TYRP1: variants seen among roughly 807,000 people sequenced by gnomAD.
TYRP1 encodes 5,6-dihydroxyindole-2-carboxylic acid oxidase.
A neutral mutation model predicts 42.8 loss-of-function variants in TYRP1; 49 were observed. That is an observed-to-expected ratio of 1.14 (90% CI 0.91 to 1.45). The LOEUF (loss-of-function observed/expected upper bound fraction) is 1.45. Among genes scored for constraint, TYRP1 ranks in the 40% most tolerant of loss-of-function variants. TYRP1 has a pLI of 0.00. For missense variants in TYRP1, 848 were observed against 662.0 expected, an observed-to-expected ratio of 1.28 and a Z score of -3.08; for synonymous variants, 279 against 235.4, an observed-to-expected ratio of 1.19 and a Z score of -1.69.
At chr9:12,702,559 T>C in intron 5 of TYRP1, 121 bp downstream of exon 5, 1 of 1,036,162 alleles carries the variant, frequency 9.7e-7, no homozygotes. Context: ...TTTATGTGAA[T>C]GAGATTTTCT....
intron 3 of TYRP1, among the ~76,000 whole-genome samples, chr9:12,696,614 C>G (rs574768884): frequency 6.6e-6 from 1 of 152,166 alleles, no homozygotes; most frequent in Admixed American, 6.5e-5. Context: ...ACAAAGTGAA[C>G]CTCAACTCAA....
intron 4 of TYRP1, among the ~76,000 whole-genome samples, chr9:12,701,220 T>G (rs1818162330): frequency 6.6e-6 from 1 of 152,010 alleles, no homozygotes; most frequent in African/African-American, 2.4e-5. Flanking sequence ...TACTTGATTT[T>G]TTTTTCACAA....
chr9:12,708,381 G>T (rs1818296032), intron 7 of TYRP1, among the ~76,000 whole-genome samples: 1 of 151,758 alleles, frequency 6.6e-6, no homozygotes, highest in Admixed American at 6.6e-5. Context: ...AATGCTTTGG[G>T]GTGAGTATGA....
chr9:12,705,169 A>C (rs1450324936), intron 6 of TYRP1, among the ~76,000 whole-genome samples: 25 of 152,200 alleles, frequency 1.6e-4, no homozygotes, highest in African/African-American at 5.5e-4. Flanking sequence ...TTCCACTTGA[A>C]AAGTTAATGT....
At position 12,698,652 on chromosome 9, in the gene TYRP1, A is replaced by G; in HGVS notation, c.910A>G (p.Asn304Asp). 6.2e-7 allele frequency: 1 copy of G among 1,613,340 alleles called. No homozygotes were observed. The highest frequency in any genetic ancestry group is 8.5e-7 in the Non-Finnish European group (1 of 1,179,444). Reference sequence around the variant, plus strand: ...TTATGATACCCTGGGAACACTTTGTAACAGTAAGTTCCAAATGATAGCTTG... The same window carrying G: ...TTATGATACCCTGGGAACACTTTGTGACAGTAAGTTCCAAATGATAGCTTG... ...EDYDTLGTLC[N>D]STEDGPIRRN... is the part of the protein sequence containing the mutation. Residue 304 changes from asparagine (N) to aspartate (D), a missense_variant, in exon 4 of 8, where the codon AAC becomes GAC. Physicochemically the swap from Asn to Asp is conservative, Grantham distance 23. Coordinates refer to ENST00000388918, the MANE Select transcript of TYRP1 (RefSeq NM_000550.3).
chr9:12,697,584 T>G (rs1818097750), intron 3 of TYRP1, among the ~76,000 whole-genome samples: 2 of 152,090 alleles, frequency 1.3e-5, no homozygotes, highest in African/African-American at 4.8e-5. Context: ...GCTTGAGAGA[T>G]AAGATAAAAC....
At chr9:12,704,029 G>A (rs771812794) in intron 5 of TYRP1, among the ~76,000 whole-genome samples, 7 of 151,844 alleles carry the variant, frequency 4.6e-5, no homozygotes, top group Non-Finnish European at 4.4e-5. Context: ...AGAAAGCCCT[G>A]AGGAATTGTA....
intron 1 of TYRP1, 62 bp downstream of exon 1, chr9:12,693,540 G>A (rs1353820446): frequency 5.4e-6 from 1 of 184,928 alleles, no homozygotes; most frequent in African/African-American, 2.4e-5. Flanking sequence ...TTAGTGTAAG[G>A]GACTTTAAAT....
chr9:12,698,878 T>A (rs1375547601), intron 4 of TYRP1, among the ~76,000 whole-genome samples: 2 of 152,118 alleles, frequency 1.3e-5, no homozygotes, highest in East Asian at 3.9e-4. Flanking sequence ...TTACACTGCC[T>A]TTCTTGAGTA....
At chr9:12,695,928 A>G (rs560620695) in intron 3 of TYRP1, 91 bp downstream of exon 3, 21 of 1,429,358 alleles carry the variant, frequency 1.5e-5, no homozygotes, top group African/African-American at 2.8e-5. Context: ...CAGAATCATC[A>G]GAACATTTGA....
chr9:12,700,395 A>G (rs1818147169), intron 4 of TYRP1: 1 of 152,108 alleles, frequency 6.6e-6, no homozygotes, highest in African/African-American at 2.4e-5. Context: ...GGTGGATTGA[A>G]AATAGTTAAT....
chr9:12,700,179 T>C (rs891435174), intron 4 of TYRP1: 10 of 152,098 alleles, frequency 6.6e-5, no homozygotes, highest in African/African-American at 2.4e-4. Flanking sequence ...GTATCCTATT[T>C]AGTCTTCATA....
intron 4 of TYRP1, among the ~76,000 whole-genome samples, chr9:12,699,921 GAAGAGA>G (rs149076115): frequency 0.046 from 6,970 of 152,076 alleles, 188 homozygotes; most frequent in Non-Finnish European, 0.062. Flanking sequence ...GAAGAAAGAG[GAAGAGA>G]TTTTCTTTTC....
rs1237317163 is a variant in TYRP1, at chr9:12,702,403, C to A, written c.1046C>A (p.Ser349Tyr). The A allele has an allele frequency of 1.2e-6, 2 of 1,612,848 alleles. No homozygotes were observed. The highest frequency in any genetic ancestry group is 1.7e-6 in the Non-Finnish European group (2 of 1,179,296). Residue 349 changes from serine (S) to tyrosine (Y), a missense_variant, in exon 5 of 8, where the codon TCC becomes TAC. By Grantham distance (144) the Ser-to-Tyr change is moderately radical. Transcript: ENST00000388918. ...VGLFDTPPFYSNSTNSFRNTV... is the reference protein window; with the variant it reads ...VGLFDTPPFYYNSTNSFRNTV... ...TTATTTGACACGCCTCCTTTTTATT[C>A]CAACTCTACAAACAGTTTCCGAAAC... is the stretch of plus-strand genomic sequence containing the variant.
At chr9:12,706,476 AT>A (rs927568675) in intron 6 of TYRP1, among the ~76,000 whole-genome samples, 5 of 151,952 alleles carry the variant, frequency 3.3e-5, no homozygotes, top group African/African-American at 1.2e-4. Context: ...CCTTTTGAAC[AT>A]TTTTTTCTGA....
At chr9:12,696,886 G>A (rs1254950947) in intron 3 of TYRP1, among the ~76,000 whole-genome samples, 2 of 152,154 alleles carry the variant, frequency 1.3e-5, no homozygotes, top group African/African-American at 4.8e-5. Context: ...ATCTGAAGAA[G>A]GGAAAGGCGT....
intron 6 of TYRP1, among the ~76,000 whole-genome samples, chr9:12,705,613 G>A (rs1014283449): frequency 2.0e-5 from 3 of 152,140 alleles, no homozygotes; most frequent in Middle Eastern, 3.4e-3. Context: ...TTGGGAAGCC[G>A]AGATGTGGGG....
chr9:12,698,513 C>G lies in TYRP1; in HGVS notation c.771C>G (p.Val257=), dbSNP rs900003133. The G allele has an allele frequency of 3.7e-6, 6 of 1,613,694 alleles. No individual in the cohort carries two copies. The highest frequency in any genetic ancestry group is 1.1e-5 in the South Asian group (1 of 91,078). Residue 257 remains valine (V), a synonymous_variant, in exon 4 of 8, where the codon GTC becomes GTG. Transcript: ENST00000388918. ...GGAATTTTGCAACGGGGAAAAATGT[C>G]TGTGATATCTGCACGGATGACTTGA... ...PYWNFATGKN[V]CDICTDDLMG...
In TYRP1 at chr9:12,708,970, C is replaced by CAAAT; in HGVS notation, c.1409-5_1409-2dup. The stretch of plus-strand genomic sequence containing the variant: ...GTCTTTTTATTTTTATCTTCCTTTC[C>CAAAT]AAATAGGTCGGGAGTTTAGTGTACC... On this transcript the variant is annotated splice_polypyrimidine_tract_variant and splice_region_variant and intron_variant, in intron 7 of 7. Coordinates refer to ENST00000388918, the MANE Select transcript of TYRP1 (RefSeq NM_000550.3). The CAAAT allele has an allele frequency of 1.2e-6, 2 of 1,610,836 alleles. No individual in the cohort carries two copies. The highest frequency in any genetic ancestry group is 1.7e-6 in the Non-Finnish European group (2 of 1,177,940).
Sources: gnomAD v4.1 joint callset for allele counts (sites outside exome capture counted in the v4.1 genomes callset) on GRCh38, gnomAD v4.1.1 for gene constraint, MANE v1.5 for transcripts, NCBI Gene and HGNC (gene_info 2026-07-23, HGNC 2026-07-21) for gene names.